GRIP1: variants seen among roughly 807,000 people sequenced by gnomAD.
GRIP1 encodes glutamate receptor interacting protein 1, also known as glutamate receptor-interacting protein 1.
GRIP1 carries 45 observed loss-of-function variants against 129.9 expected under a neutral mutation model. That is an observed-to-expected ratio of 0.35 (90% CI 0.27 to 0.44). The LOEUF (loss-of-function observed/expected upper bound fraction) is 0.44. Among genes scored for constraint, GRIP1 ranks in the 20% least tolerant of loss-of-function variants. The probability of loss-of-function intolerance (pLI) is 1.00; values close to 1 mark genes in which losing one functional copy is unlikely to be tolerated. For missense variants in GRIP1, 1,196 were observed against 1,396.8 expected (o/e 0.86, Z 2.29); for synonymous variants, 530 against 520.8 (o/e 1.02, Z -0.24).
At chr12:66,933,025 GT>G (rs2041424992) in intron 1 of GRIP1, among the ~76,000 whole-genome samples, 2 of 152,166 alleles carry the variant, frequency 1.3e-5, no homozygotes, top group Admixed American at 6.5e-5. Flanking sequence ...GTTCCTATAG[GT>G]AACGAGTTCC....
chr12:66,823,195 TTC>T (rs1357147289), intron 1 of GRIP1, among the ~76,000 whole-genome samples: 2 of 152,172 alleles, frequency 1.3e-5, no homozygotes, highest in Non-Finnish European at 2.9e-5. Flanking sequence ...AGCTCTAAAA[TTC>T]TATAATTATC....
chr12:66,889,604 A>C (rs991567073), intron 1 of GRIP1, among the ~76,000 whole-genome samples: 2 of 152,256 alleles, frequency 1.3e-5, no homozygotes, highest in Admixed American at 6.5e-5. Context: ...CAGTGGTGTA[A>C]GGTAAAATTC....
chr12:66,512,314 G>C (rs61925953), intron 7 of GRIP1, among the ~76,000 whole-genome samples: 14,204 of 152,076 alleles, frequency 0.093, 822 homozygotes, highest in Non-Finnish European at 0.13. Context: ...AGTTTGGAGG[G>C]CTCAGAAGAA....
At chr12:66,570,015 G>A (rs141632800) in intron 2 of GRIP1, among the ~76,000 whole-genome samples, 44 of 152,210 alleles carry the variant, frequency 2.9e-4, no homozygotes, top group African/African-American at 1.0e-3. Context: ...ATAATATTAT[G>A]ATTATCACAT....
chr12:66,542,124 C>A (rs914501618), intron 2 of GRIP1, among the ~76,000 whole-genome samples, 174 bp from the exon 3 acceptor site: 1 of 152,102 alleles, frequency 6.6e-6, no homozygotes, highest in African/African-American at 2.4e-5. Flanking sequence ...AATGCTGAGG[C>A]AGATATTCTA....
At chr12:66,376,963 G>A (rs2137347319) in intron 22 of GRIP1, 54 bp downstream of exon 22, 1 of 1,211,088 alleles carries the variant, frequency 8.3e-7, no homozygotes, top group East Asian at 2.3e-5. Context: ...CAGAAGGCAA[G>A]GGGGTAGGGA....
chr12:66,751,713 T>C (rs901774126), intron 1 of GRIP1, among the ~76,000 whole-genome samples: 2 of 152,214 alleles, frequency 1.3e-5, no homozygotes, highest in South Asian at 2.1e-4. Context: ...GGTGCTTTCA[T>C]TAACCTCAAT....
intron 2 of GRIP1, among the ~76,000 whole-genome samples, chr12:66,586,223 C>T (rs2063629714): frequency 1.3e-5 from 2 of 152,154 alleles, no homozygotes; most frequent in Admixed American, 1.3e-4. Flanking sequence ...CTATTTTTGT[C>T]AGGGTCACCA....
chr12:66,678,955 G>C lies in GRIP1; in HGVS notation c.-51C>G. ...AGTGTACTCAAGGCTCTCTGCTCTG[G>C]TGGCTGCAGCAGCAGCAGCATATGA... is the stretch of plus-strand genomic sequence containing the variant. On this transcript the variant is annotated 5_prime_UTR_variant, in exon 1 of 25. Coordinates refer to ENST00000359742, the MANE Select transcript of GRIP1 (RefSeq NM_001366722.1). The C allele has an allele frequency of 6.2e-7, 1 of 1,612,310 alleles. No homozygotes were observed. Among genetic ancestry groups the C allele is most frequent in the East Asian group, 2.2e-5 (1 of 44,720 alleles).
chr12:66,746,144 G>T (rs567450445), intron 1 of GRIP1, among the ~76,000 whole-genome samples: 49 of 152,246 alleles, frequency 3.2e-4, no homozygotes, highest in Non-Finnish European at 6.6e-4. Flanking sequence ...AGTGAAAAGG[G>T]AAGGAAACAT....
chr12:66,362,995 T>TTTGA (rs1361141001), intron 23 of GRIP1, among the ~76,000 whole-genome samples: 1 of 151,328 alleles, frequency 6.6e-6, no homozygotes, highest in African/African-American at 2.5e-5. Context: ...CCTCAAAGGC[T>TTTGA]TTGATTTTAT....
At chr12:66,369,438 G>T (rs2055355303) in intron 23 of GRIP1, among the ~76,000 whole-genome samples, 1 of 142,810 alleles carries the variant, frequency 7.0e-6, no homozygotes, top group East Asian at 2.1e-4. Context: ...TTTGCTAAAT[G>T]CTTTCAGTGA....
At chr12:66,546,502 TA>T (rs2061951046) in intron 2 of GRIP1, among the ~76,000 whole-genome samples, 1 of 151,860 alleles carries the variant, frequency 6.6e-6, no homozygotes, top group African/African-American at 2.4e-5. Flanking sequence ...AAATCATAAG[TA>T]AAACCACTGT....
In GRIP1 at chr12:66,601,125, CAGA is replaced by C. The variant is rs201286623; in HGVS notation, c.56-4201_56-4199del. 7.4e-4 allele frequency among the ~76,000 whole-genome samples: 112 copies of C among 152,330 alleles called. No individual in the cohort carries two copies. In the East Asian group the frequency reaches 0.021, roughly 28 times the overall value. ...GCATTAGTCAAGCATACACTTAAAG[CAGA>C]AGAAGAACAATAGGAGGGACCATCT... On this transcript the variant is annotated intron_variant, in intron 1 of 24. Coordinates refer to ENST00000359742, the MANE Select transcript of GRIP1 (RefSeq NM_001366722.1).
At chr12:66,478,247 C>T (rs2059685529) in intron 7 of GRIP1, among the ~76,000 whole-genome samples, 1 of 152,176 alleles carries the variant, frequency 6.6e-6, no homozygotes, top group South Asian at 2.1e-4. Context: ...CAAAAGAAGA[C>T]ATTTATGCAG....
intron 1 of GRIP1, among the ~76,000 whole-genome samples, chr12:66,870,545 T>C (rs1056190126): frequency 6.6e-6 from 1 of 152,168 alleles, no homozygotes; most frequent in Admixed American, 6.6e-5. Context: ...TGAAGTCAGT[T>C]GTATTCTTTA....
At chr12:66,962,781 TTTAAGTGTTGCC>T (rs774338083) in intron 1 of GRIP1, among the ~76,000 whole-genome samples, 81 of 152,298 alleles carry the variant, frequency 5.3e-4, no homozygotes, top group Middle Eastern at 6.8e-3. Context: ...CTCTGAAGTT[TTTAAGTGTTGCC>T]TTAAGTTTGT....
At chr12:66,816,632 A>G (rs2039223661) in intron 1 of GRIP1, among the ~76,000 whole-genome samples, 1 of 152,176 alleles carries the variant, frequency 6.6e-6, no homozygotes, top group African/African-American at 2.4e-5. Context: ...CATTTTAAGA[A>G]AACACAAAAA....
At chr12:67,043,517 A>G (rs916983189) in intron 1 of GRIP1, among the ~76,000 whole-genome samples, 34 of 152,062 alleles carry the variant, frequency 2.2e-4, no homozygotes, top group Non-Finnish European at 3.1e-4. Flanking sequence ...TTTTTTCCCC[A>G]TTTTCTCAAA....
Sources: gnomAD v4.1 joint callset for allele counts (sites outside exome capture counted in the v4.1 genomes callset) on GRCh38, gnomAD v4.1.1 for gene constraint, MANE v1.5 for transcripts, NCBI Gene and HGNC (gene_info 2026-07-23, HGNC 2026-07-21) for gene names.